The following ATXN10 variants were observed in gnomAD, a reference collection of about 807,000 sequenced individuals.
ATXN10 encodes the protein ataxin 10, also known as ataxin-10.
ATXN10 carries 28 observed loss-of-function variants against 52.9 expected under a neutral mutation model. The observed-to-expected ratio is 0.53, with a 90% CI of 0.39 to 0.73. ATXN10 has a LOEUF of 0.73. Among genes scored for constraint, ATXN10 ranks in the 30% least tolerant of loss-of-function variants. The probability of loss-of-function intolerance (pLI) is 0.00; values close to 1 mark genes in which losing one functional copy is unlikely to be tolerated. For missense variants in ATXN10, 565 were observed against 577.0 expected (o/e 0.98, Z 0.21); for synonymous variants, 226 against 221.5 (o/e 1.02, Z -0.18).
At position 45,671,976 on chromosome 22, in the gene ATXN10, T is replaced by C. The variant is rs1490794495; in HGVS notation, c.-88T>C. On this transcript the variant is annotated 5_prime_UTR_variant, in exon 1 of 12. Coordinates refer to ENST00000252934, the MANE Select transcript of ATXN10 (RefSeq NM_013236.4). ...GAGGCCTCCCCCTTCCTCCTCGCCA[T>C]CCTACTCCTCCCTCCTCGTCATCCT... 3.5e-6 allele frequency: 5 copies of C among 1,432,814 alleles called. No homozygotes were observed. The highest frequency in any genetic ancestry group is 4.7e-6 in the Non-Finnish European group (5 of 1,062,416). The allele number at this position is 1,432,814 out of a possible 1,614,324, so 88.8% of individuals were successfully genotyped here.
At position 45,744,593 on chromosome 22, in the gene ATXN10, G is replaced by A. The variant is rs138174; in HGVS notation, c.1173+4055G>A. 0.17 allele frequency: 26,139 copies of A among 152,126 alleles called. 2,735 individuals carry two copies. The highest frequency in any genetic ancestry group is 0.3 in the African/African-American group (12,525 of 41,464). The allele number at this position is 152,126 out of a possible 1,614,324, so 9.4% of individuals were successfully genotyped here. A position where few individuals can be genotyped will look rare whatever the true frequency, so the allele number is the denominator to read the frequency against. On this transcript the variant is annotated intron_variant, in intron 9 of 11. Coordinates refer to ENST00000252934, the MANE Select transcript of ATXN10 (RefSeq NM_013236.4). This position sits in a 1 kb window ranked among gnomAD's most constrained non-coding sequence, Gnocchi z 4.9. ...GCTGCATGCTCTGGAGAAGACAGTC[G>A]CTTTAGTGGTGGAATGACACATGTC...
Position 45,783,775 on chromosome 22 carries a change from G to A in ATXN10, c.1174-23184G>A, listed in dbSNP as rs1175889782. ...AAATAAATAGAAGATTAAAAGAGGT[G>A]CCAGGTGTTAGCACACAGAGAAATA... On this transcript the variant is annotated intron_variant, in intron 9 of 11. Transcript: ENST00000252934. This position sits in a 1 kb window ranked among gnomAD's most constrained non-coding sequence, Gnocchi z 5.0. 2.6e-5 allele frequency among the ~76,000 whole-genome samples: 4 copies of A among 152,222 alleles called. No individual in the cohort carries two copies. Among genetic ancestry groups the A allele is most frequent in the Non-Finnish European group, 5.9e-5 (4 of 68,038 alleles).
Position 45,770,627 on chromosome 22 carries a change from G to C in ATXN10, c.1173+30089G>C, listed in dbSNP as rs1354596751. Among the ~76,000 whole-genome samples, 1 of 152,176 alleles carries C rather than the reference G, an allele frequency of 6.6e-6. No individual in the cohort carries two copies. Among genetic ancestry groups the C allele is most frequent in the African/African-American group, 2.4e-5 (1 of 41,452 alleles). On this transcript the variant is annotated intron_variant, in intron 9 of 11. Coordinates refer to ENST00000252934, the MANE Select transcript of ATXN10 (RefSeq NM_013236.4). This position sits in a 1 kb window ranked among gnomAD's most constrained non-coding sequence, Gnocchi z 4.5. ...ACCTGAGGGCTTCACAGAGAGCCAC[G>C]TCCACATATGCGAGAGCCACTGATG... is the stretch of plus-strand genomic sequence containing the variant.
chr22:45,759,467 G>A lies in ATXN10; in HGVS notation c.1173+18929G>A, dbSNP rs187149672. On this transcript the variant is annotated intron_variant, in intron 9 of 11. Transcript: ENST00000252934. This position sits in a 1 kb window ranked among gnomAD's most constrained non-coding sequence, Gnocchi z 5.4. ...GCAGAGGTTGCAGTGAGCCGAGATA[G>A]CATCACTGCACTCCAGCCTGGGCAG... Among the ~76,000 whole-genome samples the A allele has an allele frequency of 1.3e-5, 2 of 152,190 alleles. No individual in the cohort carries two copies. Among genetic ancestry groups the A allele is most frequent in the Non-Finnish European group, 2.9e-5 (2 of 68,030 alleles).
Position 45,677,694 on chromosome 22 carries a change from A to G in ATXN10, c.116+5515A>G, listed in dbSNP as rs1411391815. ...TGCTTTACAAAGAAAAATAAAGGCC[A>G]ATAAGCGTATGATAAAGTGCTCCAA... On this transcript the variant is annotated intron_variant, in intron 1 of 11. Coordinates refer to ENST00000252934, the MANE Select transcript of ATXN10 (RefSeq NM_013236.4). The surrounding 1 kb of genome is among the most constrained non-coding windows in gnomAD (Gnocchi z 4.1). 6.6e-6 allele frequency: 1 copy of G among 152,232 alleles called. No homozygotes were observed. The highest frequency in any genetic ancestry group is 2.4e-5 in the African/African-American group (1 of 41,466). 9.4% of individuals were successfully genotyped at this position (152,232 alleles called of 1,614,324 possible).
Position 45,826,748 on chromosome 22 carries a change from G to A in ATXN10, c.1238-16243G>A, listed in dbSNP as rs1242092229. Among the ~76,000 whole-genome samples the A allele has an allele frequency of 1.3e-5, 2 of 152,204 alleles. No individual in the cohort carries two copies. The highest frequency in any genetic ancestry group is 2.9e-5 in the Non-Finnish European group (2 of 68,022). Reference sequence around the variant, plus strand: ...TCACAGACGAACAAAAGCTGATGGAGTTTGTTACCACTAGACCTGCCTTGT... The same window carrying A: ...TCACAGACGAACAAAAGCTGATGGAATTTGTTACCACTAGACCTGCCTTGT... On this transcript the variant is annotated intron_variant, in intron 10 of 11. Coordinates refer to ENST00000252934, the MANE Select transcript of ATXN10 (RefSeq NM_013236.4). The surrounding 1 kb of genome is among the most constrained non-coding windows in gnomAD (Gnocchi z 5.0).
In ATXN10 at chr22:45,770,455, G is replaced by C. The variant is rs1225884738; in HGVS notation, c.1173+29917G>C. Among the ~76,000 whole-genome samples the C allele has an allele frequency of 1.3e-5, 2 of 152,188 alleles. No individual in the cohort carries two copies. The highest frequency in any genetic ancestry group is 2.9e-5 in the Non-Finnish European group (2 of 68,028). ...CACACACGTGTGTTTCTGTGTCTGT[G>C]AATGTGTGTTGCAACATTAGGTTGC... is the stretch of plus-strand genomic sequence containing the variant. On this transcript the variant is annotated intron_variant, in intron 9 of 11. Transcript: ENST00000252934. This position sits in a 1 kb window ranked among gnomAD's most constrained non-coding sequence, Gnocchi z 4.5.
chr22:45,684,521 A>G lies in ATXN10; in HGVS notation c.117-5191A>G, dbSNP rs183039119. The stretch of plus-strand genomic sequence containing the variant: ...TAAAGTTTCATGACACATGAAAATT[A>G]TATGAATTTAAATTTTAGTTTCCAC... On this transcript the variant is annotated intron_variant, in intron 1 of 11. Coordinates refer to ENST00000252934, the MANE Select transcript of ATXN10 (RefSeq NM_013236.4). The surrounding 1 kb of genome is among the most constrained non-coding windows in gnomAD (Gnocchi z 4.1). Among the ~76,000 whole-genome samples, 1 of 152,320 alleles carries G rather than the reference A, an allele frequency of 6.6e-6. No homozygotes were observed. The highest frequency in any genetic ancestry group is 6.5e-5 in the Admixed American group (1 of 15,304).
rs2146748117 is a variant in ATXN10, at chr22:45,697,435, T to G, written c.392-2847T>G. ...CAGGCGTGAGCCGCTGCGTCCGGCCTAAAAATCACCCTAAAAGGATACCGT... is the reference window on the plus strand; with the variant it reads ...CAGGCGTGAGCCGCTGCGTCCGGCCGAAAAATCACCCTAAAAGGATACCGT... On this transcript the variant is annotated intron_variant, in intron 3 of 11. Transcript: ENST00000252934. Among the ~76,000 whole-genome samples, 5 of 152,142 alleles carry G rather than the reference T, an allele frequency of 3.3e-5. 1 individual carries two copies. Among genetic ancestry groups the G allele is most frequent in the Admixed American group, 3.3e-4 (5 of 15,288 alleles).
In ATXN10 at chr22:45,759,886, C is replaced by G. The variant is rs1170051597; in HGVS notation, c.1173+19348C>G. On this transcript the variant is annotated intron_variant, in intron 9 of 11. Coordinates refer to ENST00000252934, the MANE Select transcript of ATXN10 (RefSeq NM_013236.4). This position sits in a 1 kb window ranked among gnomAD's most constrained non-coding sequence, Gnocchi z 5.4. ...TGATAAGTTTTGACAGATGTCTGCA[C>G]CTGTGTAATTATCACCCCAGTCAAG... is the stretch of plus-strand genomic sequence containing the variant. Among the ~76,000 whole-genome samples the G allele has an allele frequency of 2.0e-5, 3 of 152,146 alleles. No homozygotes were observed. Among genetic ancestry groups the G allele is most frequent in the South Asian group, 4.1e-4 (2 of 4,824 alleles).
Position 45,837,504 on chromosome 22 carries a change from C to T in ATXN10, c.1238-5487C>T, listed in dbSNP as rs1044979979. Among the ~76,000 whole-genome samples the T allele has an allele frequency of 6.6e-5, 10 of 152,316 alleles. No individual in the cohort carries two copies. The highest frequency in any genetic ancestry group is 3.9e-4 in the East Asian group (2 of 5,182). ...GTCTCATACTCCTGACCTCGTGATCCGCCTGCCTCAGCCTCCCAAAGTGTT... is the reference window on the plus strand; with the variant it reads ...GTCTCATACTCCTGACCTCGTGATCTGCCTGCCTCAGCCTCCCAAAGTGTT... On this transcript the variant is annotated intron_variant, in intron 10 of 11. Coordinates refer to ENST00000252934, the MANE Select transcript of ATXN10 (RefSeq NM_013236.4). The surrounding 1 kb of genome is among the most constrained non-coding windows in gnomAD (Gnocchi z 5.8).
chr22:45,804,975 C>G (rs1928051732), intron 9 of ATXN10, among the ~76,000 whole-genome samples: 1 of 152,164 alleles, frequency 6.6e-6, no homozygotes, highest in Non-Finnish European at 1.5e-5. Context: ...CCTGGCGATC[C>G]TCCCGCAGCA....
intron 10 of ATXN10, among the ~76,000 whole-genome samples, chr22:45,817,517 G>T (rs1928505830): frequency 6.6e-6 from 1 of 151,928 alleles, no homozygotes; most frequent in Non-Finnish European, 1.5e-5. Context: ...TAGAGACGGG[G>T]TTTCACCACG....
rs978781750 is a variant in ATXN10, at chr22:45,733,027, T to G, written c.894+3437T>G. ...TAAAAATAGTTTTGGGTTCTCATGT[T>G]AATGTACTTATTCCTGTCTTTTGAT... On this transcript the variant is annotated intron_variant, in intron 7 of 11. Coordinates refer to ENST00000252934, the MANE Select transcript of ATXN10 (RefSeq NM_013236.4). The surrounding 1 kb of genome is among the most constrained non-coding windows in gnomAD (Gnocchi z 4.4). Among the ~76,000 whole-genome samples, 2 of 152,262 alleles carry G rather than the reference T, an allele frequency of 1.3e-5. No individual in the cohort carries two copies. The highest frequency in any genetic ancestry group is 4.8e-5 in the African/African-American group (2 of 41,462).
chr22:45,713,286 T>C (rs1006337101), intron 5 of ATXN10, among the ~76,000 whole-genome samples: 2 of 152,086 alleles, frequency 1.3e-5, no homozygotes, highest in Non-Finnish European at 2.9e-5. Context: ...AAATCAATCA[T>C]AAATGAGAAA....
rs1259532044 is a variant in ATXN10, at chr22:45,721,542, C to G, written c.728+3049C>G. The stretch of plus-strand genomic sequence containing the variant: ...GAGTTCAAATACCACCTCAGTACCT[C>G]TGTAACCCAGGGCAAATACCTTAAT... On this transcript the variant is annotated intron_variant, in intron 6 of 11. Coordinates refer to ENST00000252934, the MANE Select transcript of ATXN10 (RefSeq NM_013236.4). Among the ~76,000 whole-genome samples, 7 of 152,292 alleles carry G rather than the reference C, an allele frequency of 4.6e-5. No individual in the cohort carries two copies. In the East Asian group the frequency reaches 1.3e-3, roughly 29 times the overall value.
In ATXN10 at chr22:45,795,884, C is replaced by T. The variant is rs1288339698; in HGVS notation, c.1174-11075C>T. 2.0e-5 allele frequency among the ~76,000 whole-genome samples: 3 copies of T among 152,112 alleles called. No homozygotes were observed. The highest frequency in any genetic ancestry group is 4.2e-4 in the South Asian group (2 of 4,818). On this transcript the variant is annotated intron_variant, in intron 9 of 11. Coordinates refer to ENST00000252934, the MANE Select transcript of ATXN10 (RefSeq NM_013236.4). The surrounding 1 kb of genome is among the most constrained non-coding windows in gnomAD (Gnocchi z 4.6). ...GAGGATGTATGTCACCTCAGGATCC[C>T]GTGATGATCACGTTATCTGCACAAA...
At position 45,681,896 on chromosome 22, in the gene ATXN10, A is replaced by G. The variant is rs866943392; in HGVS notation, c.117-7816A>G. 5.9e-5 allele frequency among the ~76,000 whole-genome samples: 9 copies of G among 152,186 alleles called. No individual in the cohort carries two copies. Among genetic ancestry groups the G allele is most frequent in the Non-Finnish European group, 4.4e-5 (3 of 68,034 alleles). Reference sequence around the variant, plus strand: ...TAGGAGCAACTAGAAGATAATTTCCAGGAACTCTCATCACCCTCTCTGCCC... The same window carrying G: ...TAGGAGCAACTAGAAGATAATTTCCGGGAACTCTCATCACCCTCTCTGCCC... On this transcript the variant is annotated intron_variant, in intron 1 of 11. Transcript: ENST00000252934. The surrounding 1 kb of genome is among the most constrained non-coding windows in gnomAD (Gnocchi z 4.2).
intron 9 of ATXN10, among the ~76,000 whole-genome samples, chr22:45,800,735 A>T (rs559176767): frequency 9.9e-5 from 15 of 152,276 alleles, no homozygotes; most frequent in Non-Finnish European, 2.1e-4. Flanking sequence ...TAGTATATTC[A>T]TAATTAGAAA....
Sources: gnomAD v4.1 joint callset for allele counts (sites outside exome capture counted in the v4.1 genomes callset) on GRCh38, gnomAD v4.1.1 for gene constraint, Gnocchi (gnomAD v3.1) non-coding constraint, MANE v1.5 for transcripts, NCBI Gene and HGNC (gene_info 2026-07-23, HGNC 2026-07-21) for gene names.